HMGN5: variants seen among roughly 807,000 people sequenced by gnomAD.
HMGN5 encodes high mobility group nucleosome binding domain 5, also known as high mobility group nucleosome-binding domain-containing protein 5.
In HMGN5, 4 loss-of-function variants were observed where a neutral mutation model predicts 9.5. That is an observed-to-expected ratio of 0.42 (90% confidence interval 0.21 to 0.96). The LOEUF is 0.96. Ranked by LOEUF, HMGN5 falls within the 40% of genes least tolerant of loss-of-function variation. HMGN5 has a pLI of 0.30. For synonymous variants in HMGN5, 55 were observed against 57.1 expected (o/e 0.96, Z 0.16); for missense variants, 192 against 187.5 (o/e 1.02, Z -0.14).
chrX:81,133,497 C>A (rs1011802801), intron 1 of HMGN5, among the ~76,000 whole-genome samples: 2 of 111,451 alleles, frequency 1.8e-5, no homozygotes, highest in African/African-American at 6.5e-5. Flanking sequence ...GAAAATGTGG[C>A]ACAAATACAC....
rs1477138898 is a variant in HMGN5 at position 81,151,622 on chromosome X, A to C, written c.-123-29950T>G. Reference sequence around the variant, plus strand: ...ATTTGTTTGTATCCTGTTTTATTTCATTGAGCAGTGGTTTGTAGCTCTCCT... The same window carrying C: ...ATTTGTTTGTATCCTGTTTTATTTCCTTGAGCAGTGGTTTGTAGCTCTCCT... On this transcript the variant is annotated intron_variant, in intron 1 of 6. Coordinates refer to ENST00000358130, the MANE Select transcript of HMGN5 (RefSeq NM_030763.3). Among the ~76,000 whole-genome samples, 3 of 111,272 alleles carry C rather than the reference A, an allele frequency of 2.7e-5. No individual in the cohort carries two copies. The Admixed American group carries it at 2.9e-4, about 11-fold the overall frequency.
At chrX:81,121,303 G>A (rs1160623232) in intron 2 of HMGN5, among the ~76,000 whole-genome samples, 1 of 110,790 alleles carries the variant, frequency 9.0e-6, no homozygotes, top group Non-Finnish European at 1.9e-5. Context: ...CCTTTCAAGA[G>A]ATTCTCTCCT....
chrX:81,191,938 G>T (rs926521010), intron 1 of HMGN5, among the ~76,000 whole-genome samples: 2 of 110,882 alleles, frequency 1.8e-5, no homozygotes, highest in African/African-American at 6.6e-5. Flanking sequence ...AGCCATGGAG[G>T]GTACCAACAC....
intron 1 of HMGN5, among the ~76,000 whole-genome samples, chrX:81,147,113 A>G (rs1390066731): frequency 8.9e-6 from 1 of 111,885 alleles, no homozygotes; most frequent in African/African-American, 3.2e-5. Flanking sequence ...ATTCCAAACA[A>G]TAGAAAAAAA....
At chrX:81,194,846 C>A (rs1293074194) in intron 1 of HMGN5, among the ~76,000 whole-genome samples, 1 of 111,839 alleles carries the variant, frequency 8.9e-6, no homozygotes, top group East Asian at 2.8e-4. Flanking sequence ...ATCAAAGAAA[C>A]ATGAAAGGAA....
intron 1 of HMGN5, among the ~76,000 whole-genome samples, chrX:81,189,297 T>C (rs2075487307): frequency 8.9e-6 from 1 of 111,732 alleles, no homozygotes; most frequent in Non-Finnish European, 1.9e-5. Flanking sequence ...CTAGATCCTG[T>C]AGGTGTACTT....
intron 1 of HMGN5, among the ~76,000 whole-genome samples, chrX:81,126,062 C>T (rs930455176): frequency 3.9e-5 from 4 of 103,116 alleles, no homozygotes; most frequent in Non-Finnish European, 5.9e-5. Flanking sequence ...GCAGGAGAAT[C>T]GCTTGAACCT....
chrX:81,127,099 C>T (rs1356668087), intron 1 of HMGN5, among the ~76,000 whole-genome samples: 5 of 112,010 alleles, frequency 4.5e-5, no homozygotes, highest in Admixed American at 3.8e-4. Flanking sequence ...GATTGTGACA[C>T]TTCTAAAGTT....
At chrX:81,135,312 A>G (rs944424037) in intron 1 of HMGN5, among the ~76,000 whole-genome samples, 2 of 111,730 alleles carry the variant, frequency 1.8e-5, no homozygotes, top group Non-Finnish European at 3.8e-5. Flanking sequence ...TGGGGAAAGG[A>G]TTTGATATGA....
At chrX:81,201,376 C>T (rs1471618927) in intron 1 of HMGN5, among the ~76,000 whole-genome samples, 1 of 111,094 alleles carries the variant, frequency 9.0e-6, no homozygotes, top group Non-Finnish European at 1.9e-5. Flanking sequence ...AATATGTTCT[C>T]CCAAATCCCT....
At chrX:81,135,351 C>T (rs913670318) in intron 1 of HMGN5, among the ~76,000 whole-genome samples, 1 of 111,126 alleles carries the variant, frequency 9.0e-6, no homozygotes, top group Non-Finnish European at 1.9e-5. Context: ...AGATTCATAA[C>T]AAATAGAAAT....
chrX:81,146,896 A>C (rs2075345972), intron 1 of HMGN5, among the ~76,000 whole-genome samples: 1 of 112,151 alleles, frequency 8.9e-6, no homozygotes, highest in Non-Finnish European at 1.9e-5. Context: ...TAGGAAATCT[A>C]GAAGAAATGG....
intron 1 of HMGN5, among the ~76,000 whole-genome samples, chrX:81,192,717 T>C (rs1251997232): frequency 8.9e-6 from 1 of 112,229 alleles, no homozygotes; most frequent in Admixed American, 9.5e-5. Context: ...CATTAGTTTG[T>C]AAGGGATATT....
intron 1 of HMGN5, among the ~76,000 whole-genome samples, chrX:81,159,642 T>C (rs1176670303): frequency 9.1e-6 from 1 of 110,453 alleles, no homozygotes; most frequent in Non-Finnish European, 1.9e-5. Context: ...AGTTTTAGGA[T>C]AATTTTGTCT....
intron 1 of HMGN5, among the ~76,000 whole-genome samples, chrX:81,178,404 A>G (rs748430988): frequency 8.9e-6 from 1 of 111,995 alleles, no homozygotes; most frequent in African/African-American, 3.2e-5. Context: ...CAGAAATACA[A>G]ATTACCCTCA....
At chrX:81,180,022 C>A (rs1441199740) in intron 1 of HMGN5, among the ~76,000 whole-genome samples, 2 of 111,657 alleles carry the variant, frequency 1.8e-5, no homozygotes, top group Non-Finnish European at 3.8e-5. Context: ...GAAACTGGAT[C>A]TCTTCCTTAC....
chrX:81,120,363 T>C (rs967062378), intron 2 of HMGN5, among the ~76,000 whole-genome samples: 21 of 111,388 alleles, frequency 1.9e-4, no homozygotes, highest in Non-Finnish European at 3.2e-4. Context: ...ATTTTAAAAC[T>C]TCCCGCCACT....
chrX:81,189,583 A>G (rs1286732582), intron 1 of HMGN5, among the ~76,000 whole-genome samples: 1 of 112,211 alleles, frequency 8.9e-6, no homozygotes, highest in Non-Finnish European at 1.9e-5. Flanking sequence ...TCAGTATCTA[A>G]TAATATTTCA....
intron 1 of HMGN5, among the ~76,000 whole-genome samples, chrX:81,146,235 G>T (rs1166342625): frequency 9.0e-6 from 1 of 111,428 alleles, no homozygotes. Flanking sequence ...TTCTAAAATT[G>T]ACCACATAAT....
Sources: allele counts gnomAD v4.1 joint callset (sites outside exome capture counted in the v4.1 genomes callset), GRCh38; gene constraint gnomAD v4.1.1; transcripts MANE v1.5; gene names NCBI Gene and HGNC (gene_info 2026-07-23, HGNC 2026-07-21).